JAKMIP2: variants seen among roughly 807,000 people sequenced by gnomAD.
The protein encoded by JAKMIP2 is janus kinase and microtubule interacting protein 2.
In JAKMIP2, 25 loss-of-function variants were observed where a neutral mutation model predicts 115.0. The observed-to-expected ratio is 0.22, with a 90% CI of 0.16 to 0.30. The LOEUF is 0.30. Among genes scored for constraint, JAKMIP2 ranks in the 10% least tolerant of loss-of-function variants. The probability of loss-of-function intolerance (pLI) is 1.00; values close to 1 mark genes in which losing one functional copy is unlikely to be tolerated. For synonymous variants in JAKMIP2, 334 were observed against 343.6 expected, an observed-to-expected ratio of 0.97 and a Z score of 0.31; for missense variants, 642 against 957.6, an observed-to-expected ratio of 0.67 and a Z score of 4.35.
chr5:147,774,411 G>A (rs1580910065), intron 1 of JAKMIP2, among the ~76,000 whole-genome samples: 1 of 152,190 alleles, frequency 6.6e-6, no homozygotes, highest in South Asian at 2.1e-4. Context: ...TGAATTCTCA[G>A]CATGGATTTT....
chr5:147,632,606 C>T, intron 13 of JAKMIP2, 74 bp downstream of exon 13: 1 of 948,648 alleles, frequency 1.1e-6, no homozygotes, highest in Non-Finnish European at 1.7e-6. Context: ...TAATACAGCG[C>T]CTAGCTCCTC....
chr5:147,636,783 C>T (rs1357648661), intron 11 of JAKMIP2, among the ~76,000 whole-genome samples, 182 bp downstream of exon 11: 1 of 152,152 alleles, frequency 6.6e-6, no homozygotes, highest in Non-Finnish European at 1.5e-5. Context: ...TGGCTGGGTT[C>T]ATACTCTGGC....
At chr5:147,708,735 A>G (rs192531989) in intron 1 of JAKMIP2, among the ~76,000 whole-genome samples, 85 of 152,298 alleles carry the variant, frequency 5.6e-4, no homozygotes, top group African/African-American at 1.8e-3. Flanking sequence ...AATGCAATGA[A>G]TTATGTCTTA....
intron 1 of JAKMIP2, among the ~76,000 whole-genome samples, chr5:147,763,207 A>G (rs1458960387): frequency 6.6e-6 from 1 of 152,082 alleles, no homozygotes; most frequent in Non-Finnish European, 1.5e-5. Flanking sequence ...GAAGAGTTAG[A>G]ATAGCCTGGA....
At position 147,713,374 on chromosome 5, in the gene JAKMIP2, T is replaced by C. The variant is rs145215908; in HGVS notation, c.-148-41420A>G. Reference sequence around the variant, plus strand: ...AAAAAACAATAAAAGCTAAACTTTATTGAACATTCACTATATACCAGGTAC... The same window carrying C: ...AAAAAACAATAAAAGCTAAACTTTACTGAACATTCACTATATACCAGGTAC... On this transcript the variant is annotated intron_variant, in intron 1 of 21. Transcript: ENST00000616793. Among the ~76,000 whole-genome samples, 1,376 of 152,296 alleles carry C rather than the reference T, an allele frequency of 9.0e-3. 19 individuals carry two copies. The highest frequency in any genetic ancestry group is 0.031 in the African/African-American group (1,309 of 41,562).
Position 147,671,668 on chromosome 5 carries a change from C to T in JAKMIP2, c.129+10G>A, listed in dbSNP as rs1275944106. 3 of 1,414,930 alleles carry T rather than the reference C, an allele frequency of 2.1e-6. No individual in the cohort carries two copies. The highest frequency in any genetic ancestry group is 2.8e-6 in the Non-Finnish European group (3 of 1,073,290). 87.6% of individuals were successfully genotyped at this position (1,414,930 alleles called of 1,614,324 possible). On this transcript the variant is annotated intron_variant, in intron 2 of 21. Coordinates refer to ENST00000616793, the MANE Select transcript of JAKMIP2 (RefSeq NM_001270941.2). ...TCTTAATGCCACGACCTCAGGTAGC[C>T]CTCGCTCACCTTGGACTTCTCTTGA...
At chr5:147,625,044 G>A (rs1261919916) in intron 16 of JAKMIP2, among the ~76,000 whole-genome samples, 1 of 151,964 alleles carries the variant, frequency 6.6e-6, no homozygotes, top group Admixed American at 6.6e-5. Flanking sequence ...GCAATGGCAC[G>A]ATCTTGGCTC....
intron 5 of JAKMIP2, among the ~76,000 whole-genome samples, chr5:147,646,685 A>G (rs2126734270): frequency 6.6e-6 from 1 of 151,804 alleles, no homozygotes; most frequent in Admixed American, 6.6e-5. Flanking sequence ...ATATATATAT[A>G]CACATACACA....
At chr5:147,660,051 A>G (rs1211691914) in intron 3 of JAKMIP2, among the ~76,000 whole-genome samples, 1 of 152,232 alleles carries the variant, frequency 6.6e-6, no homozygotes, top group Non-Finnish European at 1.5e-5. Context: ...GGAGAAGCAT[A>G]AAGTACATTC....
chr5:147,766,362 G>GA, intron 1 of JAKMIP2, among the ~76,000 whole-genome samples: 1 of 152,006 alleles, frequency 6.6e-6, no homozygotes, highest in African/African-American at 2.4e-5. Context: ...TTGAAAGGAG[G>GA]AAAAAAATAA....
At chr5:147,626,935 G>A (rs1183240129) in intron 16 of JAKMIP2, among the ~76,000 whole-genome samples, 1 of 152,100 alleles carries the variant, frequency 6.6e-6, no homozygotes, top group Non-Finnish European at 1.5e-5. Flanking sequence ...TAGCAGCACT[G>A]GAGGCACAGA....
intron 1 of JAKMIP2, among the ~76,000 whole-genome samples, chr5:147,745,190 C>G (rs1338746804): frequency 6.6e-6 from 1 of 152,020 alleles, no homozygotes; most frequent in African/African-American, 2.4e-5. Context: ...GCGGATGCAA[C>G]TTAGATCTAC....
intron 1 of JAKMIP2, among the ~76,000 whole-genome samples, chr5:147,711,162 T>A (rs1176879646): frequency 6.6e-6 from 1 of 152,178 alleles, no homozygotes; most frequent in Non-Finnish European, 1.5e-5. Context: ...ATATGACCAT[T>A]ACTGCCAAGA....
chr5:147,662,161 T>TACACACACACACACACACACACACACAC (rs61492351), intron 2 of JAKMIP2, among the ~76,000 whole-genome samples: 1 of 147,046 alleles, frequency 6.8e-6, no homozygotes, highest in East Asian at 2.0e-4. Context: ...CCCCAAGTTT[T>TACACACACACACACACACACACACACAC]ACACACACAC....
At chr5:147,718,719 C>T (rs1260498994) in intron 1 of JAKMIP2, among the ~76,000 whole-genome samples, 1 of 152,148 alleles carries the variant, frequency 6.6e-6, no homozygotes, top group Non-Finnish European at 1.5e-5. Context: ...TTTATTGCGT[C>T]TATTAGATTC....
rs1488814072 is a variant in JAKMIP2 at position 147,613,908 on chromosome 5, C to T, written c.2347-1537G>A. 2.0e-5 allele frequency among the ~76,000 whole-genome samples: 3 copies of T among 152,136 alleles called. No homozygotes were observed. The East Asian group carries it at 5.8e-4, about 29-fold the overall frequency. The stretch of plus-strand genomic sequence containing the variant: ...ATGAATGCCGGAGAAAGGGATGGAA[C>T]TGGAATGTTGATGGTGTGTTTATAC... On this transcript the variant is annotated intron_variant, in intron 19 of 21. Coordinates refer to ENST00000616793, the MANE Select transcript of JAKMIP2 (RefSeq NM_001270941.2).
chr5:147,711,421 T>C (rs139985632), intron 1 of JAKMIP2, among the ~76,000 whole-genome samples: 7 of 152,284 alleles, frequency 4.6e-5, no homozygotes, highest in African/African-American at 1.4e-4. Flanking sequence ...GTTTATTTTC[T>C]TGCCAGACCT....
intron 2 of JAKMIP2, among the ~76,000 whole-genome samples, chr5:147,665,366 C>A (rs975927225): frequency 6.6e-6 from 1 of 152,110 alleles, no homozygotes; most frequent in African/African-American, 2.4e-5. Flanking sequence ...AAGGAAAAGC[C>A]TTGTTTTCTA....
Position 147,589,406 on chromosome 5 carries a change from C to T in JAKMIP2, c.*2301G>A, listed in dbSNP as rs977145851. The T allele has an allele frequency of 4.1e-5, 6 of 145,982 alleles. No individual in the cohort carries two copies. The highest frequency in any genetic ancestry group is 1.4e-4 in the Admixed American group (2 of 14,468). The allele number at this position is 145,982 out of a possible 1,614,324, so 9.0% of individuals were successfully genotyped here. ...AGCTTGCCATGAGCCGAGATTGTGC[C>T]AATGCACTCCAGCATGGGCAACAGA... On this transcript the variant is annotated 3_prime_UTR_variant, in exon 22 of 22. Coordinates refer to ENST00000616793, the MANE Select transcript of JAKMIP2 (RefSeq NM_001270941.2).
Sources: gnomAD v4.1 joint callset for allele counts (sites outside exome capture counted in the v4.1 genomes callset) on GRCh38, gnomAD v4.1.1 for gene constraint, MANE v1.5 for transcripts, NCBI Gene and HGNC (gene_info 2026-07-23, HGNC 2026-07-21) for gene names.